The following PLCL2 variants were observed in gnomAD, a reference collection of about 807,000 sequenced individuals.
PLCL2 encodes the protein phospholipase C like 2.
In PLCL2, 4 loss-of-function variants were observed where a neutral mutation model predicts 79.6. That is an observed-to-expected ratio of 0.05 (90% CI 0.02 to 0.11). The LOEUF (loss-of-function observed/expected upper bound fraction) is 0.11. Among genes scored for constraint, PLCL2 ranks in the 10% least tolerant of loss-of-function variants. PLCL2 has a pLI of 1.00. For synonymous variants in PLCL2, 484 were observed against 457.7 expected, an observed-to-expected ratio of 1.06 and a Z score of -0.73; for missense variants, 895 against 1,291.0, an observed-to-expected ratio of 0.69 and a Z score of 4.70.
chr3:16,982,774 C>T (rs548532116), intron 1 of PLCL2, among the ~76,000 whole-genome samples: 1 of 151,884 alleles, frequency 6.6e-6, no homozygotes, highest in Admixed American at 6.6e-5. Context: ...TCTACAGCTA[C>T]GTATTTTCTT....
At chr3:16,985,968 A>T (rs558631386) in intron 1 of PLCL2, among the ~76,000 whole-genome samples, 1 of 152,270 alleles carries the variant, frequency 6.6e-6, no homozygotes, top group South Asian at 2.1e-4. Flanking sequence ...GAACCATGAC[A>T]TAAGAAGCCC....
At chr3:17,087,488 G>T (rs1008947389) in intron 5 of PLCL2, among the ~76,000 whole-genome samples, 1 of 152,238 alleles carries the variant, frequency 6.6e-6, no homozygotes, top group African/African-American at 2.4e-5. Context: ...ATCAATGGTT[G>T]CCAGGGGTTG....
At chr3:16,885,510 T>C (rs1257182625) in intron 1 of PLCL2, 144 bp downstream of exon 1, 2 of 482,296 alleles carry the variant, frequency 4.1e-6, no homozygotes, top group Non-Finnish European at 7.4e-6. Flanking sequence ...TGAGCGGGGA[T>C]TGGATGCAAA....
rs746336271 is a variant in PLCL2 at position 17,010,616 on chromosome 3, G to A, written c.1270G>A (p.Val424Ile). The A allele has an allele frequency of 6.2e-7, 1 of 1,614,018 alleles. No homozygotes were observed. Among genetic ancestry groups the A allele is most frequent in the Non-Finnish European group, 8.5e-7 (1 of 1,179,910 alleles). ...CYIFDPEHKK[V>I]CQDMKQPLSH... is the part of the protein sequence containing the mutation. Reference sequence around the variant, plus strand: ...TATATTCGATCCAGAACATAAGAAGGTCTGTCAGGATATGAAGCAACCTCT... The same window carrying A: ...TATATTCGATCCAGAACATAAGAAGATCTGTCAGGATATGAAGCAACCTCT... Residue 424 changes from valine (V) to isoleucine (I), a missense_variant, in exon 2 of 6, where the codon GTC becomes ATC. By Grantham distance (29) the Val-to-Ile change is conservative (BLOSUM62 3). Transcript: ENST00000615277. The surrounding 1 kb of genome is among the most constrained non-coding windows in gnomAD (Gnocchi z 5.8).
At chr3:16,947,127 ATT>A (rs200914734) in intron 1 of PLCL2, among the ~76,000 whole-genome samples, 3 of 142,456 alleles carry the variant, frequency 2.1e-5, no homozygotes, top group Non-Finnish European at 3.1e-5. Context: ...GGCTAATTTT[ATT>A]TTTTTTTTTT....
At position 16,933,849 on chromosome 3, in the gene PLCL2, C is replaced by G. The variant is rs371614986; in HGVS notation, c.327+48483C>G. 2.5e-4 allele frequency among the ~76,000 whole-genome samples: 38 copies of G among 152,178 alleles called. No individual in the cohort carries two copies. In the East Asian group the frequency reaches 4.5e-3, roughly 18 times the overall value. On this transcript the variant is annotated intron_variant, in intron 1 of 5. Coordinates refer to ENST00000615277, the MANE Select transcript of PLCL2 (RefSeq NM_001144382.2). Reference sequence around the variant, plus strand: ...CTTGGAGGCTGAGGGGGGCAGATCACCTGAGGTCAGGAGTTCGAGACCAGC... The same window carrying G: ...CTTGGAGGCTGAGGGGGGCAGATCAGCTGAGGTCAGGAGTTCGAGACCAGC...
chr3:16,917,618 C>T (rs565518164), intron 1 of PLCL2, among the ~76,000 whole-genome samples: 1 of 152,282 alleles, frequency 6.6e-6, no homozygotes, highest in South Asian at 2.1e-4. Flanking sequence ...GCCAGAGTGT[C>T]TATGTGTAGC....
At chr3:17,082,583 G>A (rs1373363744) in intron 5 of PLCL2, among the ~76,000 whole-genome samples, 1 of 152,078 alleles carries the variant, frequency 6.6e-6, no homozygotes, top group African/African-American at 2.4e-5. Flanking sequence ...TTTGTGTCTC[G>A]CCTTGGTAAT....
chr3:16,935,610 G>A (rs982551021), intron 1 of PLCL2, among the ~76,000 whole-genome samples: 7 of 151,950 alleles, frequency 4.6e-5, no homozygotes, highest in East Asian at 1.9e-4. Context: ...ACCAAAAATC[G>A]GGACAACCTA....
At chr3:17,025,495 AT>A (rs2064507500) in intron 3 of PLCL2, among the ~76,000 whole-genome samples, 2 of 152,204 alleles carry the variant, frequency 1.3e-5, no homozygotes, top group African/African-American at 4.8e-5. Context: ...GTACAATCAC[AT>A]TTTATAAGAA....
intron 1 of PLCL2, among the ~76,000 whole-genome samples, chr3:17,002,069 G>GTA (rs2064217364): frequency 6.6e-6 from 1 of 151,716 alleles, no homozygotes; most frequent in Non-Finnish European, 1.5e-5. Flanking sequence ...TCACTTCTTT[G>GTA]GTTACATTTA....
At chr3:17,065,619 C>A (rs148914966) in intron 4 of PLCL2, among the ~76,000 whole-genome samples, 1 of 152,220 alleles carries the variant, frequency 6.6e-6, no homozygotes, top group Non-Finnish European at 1.5e-5. Flanking sequence ...GGCTTCCATG[C>A]GGATACCTTG....
intron 4 of PLCL2, among the ~76,000 whole-genome samples, chr3:17,051,960 A>G (rs1019851645): frequency 4.6e-5 from 7 of 152,170 alleles, no homozygotes; most frequent in African/African-American, 1.4e-4. Flanking sequence ...GTCAGCATGT[A>G]GATTAAAGGG....
chr3:17,084,289 T>C (rs1345171783), intron 5 of PLCL2, among the ~76,000 whole-genome samples: 1 of 152,194 alleles, frequency 6.6e-6, no homozygotes, highest in African/African-American at 2.4e-5. Context: ...ATCAAATCAA[T>C]AATTAATAAG....
chr3:17,007,228 C>T (rs567923357), intron 1 of PLCL2, among the ~76,000 whole-genome samples: 30 of 152,122 alleles, frequency 2.0e-4, no homozygotes, highest in South Asian at 4.2e-4. Flanking sequence ...CTGACGCAGA[C>T]GGATCACGAG....
chr3:17,073,742 G>A (rs1225269237), intron 5 of PLCL2, among the ~76,000 whole-genome samples: 1 of 152,200 alleles, frequency 6.6e-6, no homozygotes, highest in Non-Finnish European at 1.5e-5. Context: ...TCACCAGGAG[G>A]AGATTCCATC....
At chr3:17,018,911 G>A (rs1319472587) in intron 3 of PLCL2, among the ~76,000 whole-genome samples, 2 of 152,076 alleles carry the variant, frequency 1.3e-5, no homozygotes, top group South Asian at 2.1e-4. Context: ...GCAACATGAG[G>A]TAATATAAAG....
chr3:17,087,294 G>A (rs987432733), intron 5 of PLCL2, among the ~76,000 whole-genome samples: 1 of 152,230 alleles, frequency 6.6e-6, no homozygotes, highest in African/African-American at 2.4e-5. Context: ...ATAAACTGCA[G>A]TGCATCCAGA....
chr3:17,026,869 AAAAT>A (rs1293772641), intron 3 of PLCL2, among the ~76,000 whole-genome samples: 2 of 152,162 alleles, frequency 1.3e-5, no homozygotes, highest in Admixed American at 6.6e-5. Context: ...CCTGTCTCAA[AAAAT>A]AAATAAATAA....
Sources: allele counts gnomAD v4.1 joint callset (sites outside exome capture counted in the v4.1 genomes callset), GRCh38; gene constraint gnomAD v4.1.1; non-coding constraint Gnocchi (gnomAD v3.1); transcripts MANE v1.5; gene names NCBI Gene and HGNC (gene_info 2026-07-23, HGNC 2026-07-21).